The following ANXA7 variants were observed in gnomAD, a reference collection of about 807,000 sequenced individuals.
The protein encoded by ANXA7 is annexin VII.
Under a neutral mutation model 64.9 loss-of-function variants are expected in ANXA7, and 55 were observed. The observed-to-expected ratio is 0.85, with a 90% confidence interval of 0.68 to 1.06. ANXA7 has a LOEUF of 1.06. ANXA7 is among the 50% of genes least tolerant of loss of function. The pLI is 0.00. For synonymous variants in ANXA7, 200 were observed against 192.4 expected (o/e 1.04, Z -0.33); for missense variants, 548 against 582.1 (o/e 0.94, Z 0.60).
intron 1 of ANXA7, 47 bp from the exon 2 acceptor site, chr10:73,400,904 G>A (rs1028546266): frequency 2.7e-6 from 4 of 1,488,056 alleles, no homozygotes; most frequent in Non-Finnish European, 3.7e-6. Context: ...TTGTTGTTTT[G>A]TTTTGTTTTG....
At chr10:73,384,524 C>T (rs1014490650) in intron 7 of ANXA7, among the ~76,000 whole-genome samples, 3 of 152,014 alleles carry the variant, frequency 2.0e-5, no homozygotes, top group African/African-American at 7.2e-5. Context: ...TCCTCAGCCC[C>T]CTGAGTAGCT....
intron 1 of ANXA7, among the ~76,000 whole-genome samples, chr10:73,404,830 T>C (rs959451621): frequency 6.6e-6 from 1 of 152,012 alleles, no homozygotes; most frequent in Non-Finnish European, 1.5e-5. Flanking sequence ...TGATCAAATC[T>C]AAAACACGGC....
chr10:73,396,436 C>T (rs185270161), intron 5 of ANXA7, 83 bp downstream of exon 5: 246 of 991,226 alleles, frequency 2.5e-4, no homozygotes, highest in African/African-American at 1.3e-3. Flanking sequence ...CCATTTCCTC[C>T]GACCCATGGA....
chr10:73,403,441 T>A (rs2055703700), intron 1 of ANXA7, among the ~76,000 whole-genome samples: 1 of 151,960 alleles, frequency 6.6e-6, no homozygotes, highest in South Asian at 2.1e-4. Context: ...TGAGCTAGGA[T>A]CGCACCACTG....
chr10:73,398,233 A>T lies in ANXA7; in HGVS notation c.207T>A (p.Pro69=). ...GCTGTGGGGCACCAGGATAGCCTCCAGGGGCTGGATAACCTCCAGGCGCAG... is the reference window on the plus strand; with the variant it reads ...GCTGTGGGGCACCAGGATAGCCTCCTGGGGCTGGATAACCTCCAGGCGCAG... The part of the protein sequence containing the change: ...GYPAPGGYPA[P]GGYPGAPQPG... Residue 69 remains proline (P), a synonymous_variant, in exon 3 of 13, where the codon CCT becomes CCA. Transcript: ENST00000372921. 1 of 1,614,014 alleles carries T rather than the reference A, an allele frequency of 6.2e-7. No individual in the cohort carries two copies. The highest frequency in any genetic ancestry group is 8.5e-7 in the Non-Finnish European group (1 of 1,179,976).
intron 11 of ANXA7, among the ~76,000 whole-genome samples, chr10:73,379,637 A>G (rs553110636): frequency 1.3e-5 from 2 of 152,312 alleles, no homozygotes; most frequent in Non-Finnish European, 1.5e-5. Context: ...ATAATCCCCA[A>G]ACAGCCCTGT....
chr10:73,413,090 G>A (rs2055869770), intron 1 of ANXA7, among the ~76,000 whole-genome samples: 1 of 152,160 alleles, frequency 6.6e-6, no homozygotes, highest in Non-Finnish European at 1.5e-5. Flanking sequence ...CGTCAGTGAT[G>A]TGGAGAAAGA....
chr10:73,411,342 G>T lies in ANXA7; in HGVS notation c.-2+2670C>A, dbSNP rs539302976. Reference sequence around the variant, plus strand: ...CTAGGAATCAAAAACTACACATTAGGTACAATGTACATTACTTGGGTGACT... The same window carrying T: ...CTAGGAATCAAAAACTACACATTAGTTACAATGTACATTACTTGGGTGACT... On this transcript the variant is annotated intron_variant, in intron 1 of 12. Coordinates refer to ENST00000372921, the MANE Select transcript of ANXA7 (RefSeq NM_001156.5). Among the ~76,000 whole-genome samples the T allele has an allele frequency of 2.0e-5, 3 of 152,228 alleles. No homozygotes were observed. The South Asian group carries it at 6.2e-4, about 32-fold the overall frequency.
At chr10:73,410,850 A>G (rs2055828291) in intron 1 of ANXA7, among the ~76,000 whole-genome samples, 1 of 151,920 alleles carries the variant, frequency 6.6e-6, no homozygotes, top group Non-Finnish European at 1.5e-5. Flanking sequence ...GAGACCGCTT[A>G]TTACACTACT....
rs572156703 is a variant in ANXA7, at chr10:73,385,755, A to G, written c.633+1934T>C. 5.9e-5 allele frequency among the ~76,000 whole-genome samples: 9 copies of G among 152,260 alleles called. 1 individual carries two copies. The South Asian group carries it at 1.7e-3, about 28-fold the overall frequency. On this transcript the variant is annotated intron_variant, in intron 7 of 12. Transcript: ENST00000372921. Reference sequence around the variant, plus strand: ...AATAGTGAGTCTGATGTTGAAGCTTAAGGAGATCTAGGGTTTGTGTTGCAT... The same window carrying G: ...AATAGTGAGTCTGATGTTGAAGCTTGAGGAGATCTAGGGTTTGTGTTGCAT...
chr10:73,402,439 C>A (rs528475631), intron 1 of ANXA7, among the ~76,000 whole-genome samples: 1 of 151,886 alleles, frequency 6.6e-6, no homozygotes, highest in African/African-American at 2.4e-5. Context: ...TGGGCTCAAG[C>A]GATCTGCCTG....
chr10:73,399,542 G>T (rs2055626329), intron 2 of ANXA7, among the ~76,000 whole-genome samples: 1 of 152,230 alleles, frequency 6.6e-6, no homozygotes, highest in South Asian at 2.1e-4. Flanking sequence ...CAAAATGTGG[G>T]CTGGGCTAAG....
intron 1 of ANXA7, among the ~76,000 whole-genome samples, chr10:73,413,618 C>G (rs2055878497): frequency 6.6e-6 from 1 of 152,260 alleles, no homozygotes; most frequent in South Asian, 2.1e-4. Context: ...CCTAAATTCG[C>G]TGTGTCACCG....
intron 5 of ANXA7, among the ~76,000 whole-genome samples, chr10:73,391,038 C>T (rs1055989631): frequency 1.3e-5 from 2 of 151,678 alleles, no homozygotes; most frequent in African/African-American, 4.8e-5. Context: ...CGTGGTGGTG[C>T]GCACCTGTAG....
intron 1 of ANXA7, among the ~76,000 whole-genome samples, chr10:73,409,351 C>T (rs1217756572): frequency 6.6e-6 from 1 of 152,168 alleles, no homozygotes; most frequent in Non-Finnish European, 1.5e-5. Context: ...AAATCAGTAG[C>T]ACTGCTATAT....
chr10:73,396,234 AG>A, intron 5 of ANXA7: 1 of 676,468 alleles, frequency 1.5e-6, no homozygotes, highest in Non-Finnish European at 2.6e-6. Flanking sequence ...GGTAAGGGCA[AG>A]GAAGAGGAAA....
At chr10:73,396,669 T>C (rs937208271) in intron 4 of ANXA7, 86 bp from the exon 5 acceptor site, 1 of 752,564 alleles carries the variant, frequency 1.3e-6, no homozygotes, top group Non-Finnish European at 2.2e-6. Context: ...ACTATGAATA[T>C]GGAAACATAC....
intron 2 of ANXA7, among the ~76,000 whole-genome samples, chr10:73,399,678 G>A (rs1261612172): frequency 6.6e-6 from 1 of 151,920 alleles, no homozygotes; most frequent in African/African-American, 2.4e-5. Flanking sequence ...AAACCTAGCT[G>A]GGCGTGGTGG....
intron 1 of ANXA7, among the ~76,000 whole-genome samples, chr10:73,407,959 T>C (rs1309490589): frequency 1.3e-5 from 2 of 152,168 alleles, no homozygotes; most frequent in Admixed American, 1.3e-4. Flanking sequence ...GGCTGAATTT[T>C]TTTGCTTTTT....
Sources: allele counts gnomAD v4.1 joint callset (sites outside exome capture counted in the v4.1 genomes callset), GRCh38; gene constraint gnomAD v4.1.1; transcripts MANE v1.5; gene names NCBI Gene and HGNC (gene_info 2026-07-23, HGNC 2026-07-21).